Variants in DNAH11 observed in about 807,000 individuals in gnomAD.
The protein encoded by DNAH11 is dynein axonemal heavy chain 11.
Under a neutral mutation model 526.0 loss-of-function variants are expected in DNAH11, and 442 were observed. That is an observed-to-expected ratio of 0.84 (90% confidence interval 0.78 to 0.91). DNAH11 has a LOEUF of 0.91. Among genes scored for constraint, DNAH11 ranks in the 40% least tolerant of loss-of-function variants. DNAH11 has a pLI of 0.00. For synonymous variants in DNAH11, 2,461 were observed against 1,935.9 expected (o/e 1.27, Z -7.12); for missense variants, 6,989 against 5,448.7 (o/e 1.28, Z -8.90).
chr7:21,773,197 G>C (rs1787515580), intron 55 of DNAH11, among the ~76,000 whole-genome samples: 1 of 152,150 alleles, frequency 6.6e-6, no homozygotes, highest in Admixed American at 6.5e-5. Flanking sequence ...TTGAAGGAGA[G>C]TTGCTCTTTT....
chr7:21,699,544 T>G (rs2128477485), intron 36 of DNAH11, among the ~76,000 whole-genome samples: 1 of 152,328 alleles, frequency 6.6e-6, no homozygotes, highest in African/African-American at 2.4e-5. Flanking sequence ...ACTTGCTCAT[T>G]GTTAGGGCAA....
intron 30 of DNAH11, among the ~76,000 whole-genome samples, chr7:21,672,408 C>A (rs1583580865): frequency 6.6e-6 from 1 of 152,182 alleles, no homozygotes; most frequent in African/African-American, 2.4e-5. Context: ...GCCTCAGCCT[C>A]CCAAGTAGGT....
At chr7:21,877,189 G>C (rs528120735) in intron 74 of DNAH11, among the ~76,000 whole-genome samples, 1 of 152,130 alleles carries the variant, frequency 6.6e-6, no homozygotes, top group Admixed American at 6.5e-5. Flanking sequence ...CAAGTCAACT[G>C]TACTGCTAGG....
chr7:21,644,099 C>T (rs1787244475), intron 28 of DNAH11, among the ~76,000 whole-genome samples: 1 of 152,130 alleles, frequency 6.6e-6, no homozygotes, highest in Admixed American at 6.6e-5. Flanking sequence ...GGAGAAATCC[C>T]CTAAATTACA....
chr7:21,713,307 G>A (rs1347349787), intron 42 of DNAH11, among the ~76,000 whole-genome samples: 2 of 152,064 alleles, frequency 1.3e-5, no homozygotes, highest in Admixed American at 6.5e-5. Context: ...ACATTAGTGG[G>A]CTCCTTGCCT....
chr7:21,576,915 T>C (rs1284969740), intron 8 of DNAH11, among the ~76,000 whole-genome samples: 1 of 152,154 alleles, frequency 6.6e-6, no homozygotes, highest in African/African-American at 2.4e-5. Flanking sequence ...TTACTACTTA[T>C]TTCTGAAATA....
chr7:21,799,811 G>A (rs1383076760), intron 61 of DNAH11, among the ~76,000 whole-genome samples: 1 of 152,170 alleles, frequency 6.6e-6, no homozygotes, highest in African/African-American at 2.4e-5. Context: ...GACAAATATA[G>A]TCTGTCTCTA....
intron 9 of DNAH11, among the ~76,000 whole-genome samples, chr7:21,584,127 A>G (rs1181249376): frequency 1.3e-5 from 2 of 152,260 alleles, no homozygotes; most frequent in East Asian, 3.8e-4. Flanking sequence ...ACACATGCAC[A>G]CATATGTTTA....
chr7:21,807,709 G>A (rs1203048864), intron 62 of DNAH11, among the ~76,000 whole-genome samples, 174 bp from the exon 63 acceptor site: 1 of 152,128 alleles, frequency 6.6e-6, no homozygotes, highest in Non-Finnish European at 1.5e-5. Flanking sequence ...CCATCATAAT[G>A]ATGGATTTCA....
In DNAH11 at chr7:21,769,778, C is replaced by T. The variant is rs1787344166; in HGVS notation, c.9103-3988C>T. Among the ~76,000 whole-genome samples the T allele has an allele frequency of 2.6e-5, 4 of 152,168 alleles. No homozygotes were observed. In the South Asian group the frequency reaches 8.3e-4, roughly 32 times the overall value. On this transcript the variant is annotated intron_variant, in intron 55 of 81. Transcript: ENST00000409508. Reference sequence around the variant, plus strand: ...GGATTACAGGCATGAGCCACTGCATCCGGCCTGGATTTCATTTTTCCTCCA... The same window carrying T: ...GGATTACAGGCATGAGCCACTGCATTCGGCCTGGATTTCATTTTTCCTCCA...
At chr7:21,842,776 C>G in intron 66 of DNAH11, 28 bp downstream of exon 66, 1 of 1,556,570 alleles carries the variant, frequency 6.4e-7, no homozygotes, top group Non-Finnish European at 8.7e-7. Context: ...ACCACCAACA[C>G]TTAGTCGGCA....
intron 55 of DNAH11, among the ~76,000 whole-genome samples, 179 bp from the exon 56 acceptor site, chr7:21,773,587 T>A (rs1583680061): frequency 6.6e-6 from 1 of 152,348 alleles, no homozygotes; most frequent in South Asian, 2.1e-4. Flanking sequence ...AGCTGAATGC[T>A]TTATTGTAAT....
At chr7:21,859,751 A>C (rs1282515495) in intron 68 of DNAH11, among the ~76,000 whole-genome samples, 1 of 152,084 alleles carries the variant, frequency 6.6e-6, no homozygotes, top group African/African-American at 2.4e-5. Flanking sequence ...ATTTATATAG[A>C]GAGATATAGC....
chr7:21,900,188 G>A (rs1010420076), intron 81 of DNAH11, 68 bp downstream of exon 81: 2 of 1,479,108 alleles, frequency 1.4e-6, no homozygotes, highest in African/African-American at 1.4e-5. Context: ...TTTGTCCTCT[G>A]CTTACTGTTT....
chr7:21,686,356 C>T (rs1783374631), intron 32 of DNAH11, among the ~76,000 whole-genome samples: 1 of 152,152 alleles, frequency 6.6e-6, no homozygotes, highest in Non-Finnish European at 1.5e-5. Flanking sequence ...GACCTGCTGT[C>T]TGTACTAAGA....
chr7:21,808,142 T>C (rs1289017244), intron 63 of DNAH11, 93 bp downstream of exon 63: 2 of 1,063,186 alleles, frequency 1.9e-6, no homozygotes, highest in East Asian at 5.8e-5. Context: ...CTTTTGGACG[T>C]CTGTAATGAG....
intron 14 of DNAH11, among the ~76,000 whole-genome samples, chr7:21,593,930 C>G (rs1476779970): frequency 2.0e-5 from 3 of 151,814 alleles, no homozygotes; most frequent in Non-Finnish European, 2.9e-5. Context: ...AACACACACA[C>G]ACTCTCTTTC....
intron 68 of DNAH11, among the ~76,000 whole-genome samples, chr7:21,857,289 C>T (rs1468779680): frequency 1.3e-5 from 2 of 152,050 alleles, no homozygotes; most frequent in African/African-American, 4.8e-5. Flanking sequence ...ATTCTAAAAA[C>T]TCCAAAATAT....
intron 43 of DNAH11, among the ~76,000 whole-genome samples, chr7:21,719,782 C>T (rs1431909408): frequency 2.6e-5 from 4 of 152,222 alleles, no homozygotes; most frequent in African/African-American, 7.2e-5. Flanking sequence ...CTGACCTGAT[C>T]TGTGATCGCT....
Sources: gnomAD v4.1 joint callset for allele counts (sites outside exome capture counted in the v4.1 genomes callset) on GRCh38, gnomAD v4.1.1 for gene constraint, MANE v1.5 for transcripts, NCBI Gene and HGNC (gene_info 2026-07-23, HGNC 2026-07-21) for gene names.